The following SCYL3 variants were observed in gnomAD, a reference collection of about 807,000 sequenced individuals.
SCYL3 encodes the protein protein-associating with the carboxyl-terminal domain of ezrin.
Under a neutral mutation model 73.8 loss-of-function variants are expected in SCYL3, and 35 were observed. The observed-to-expected ratio is 0.47, with a 90% CI of 0.36 to 0.63. SCYL3 has a LOEUF of 0.63. SCYL3 is among the 20% of genes least tolerant of loss of function. The pLI is 0.00. For synonymous variants in SCYL3, 277 were observed against 295.2 expected (o/e 0.94, Z 0.63); for missense variants, 712 against 798.9 (o/e 0.89, Z 1.31).
rs1658506560 is a variant in SCYL3, at chr1:169,852,485, T to G, written c.*1228A>C. On this transcript the variant is annotated 3_prime_UTR_variant, in exon 13 of 13. Coordinates refer to ENST00000367771, the MANE Select transcript of SCYL3 (RefSeq NM_020423.7). ...TAAAAAGAAAATACATTTATGAACT[T>G]GTTTATAAGACATGTAAGCTTGGAC... 8.6e-6 allele frequency: 3 copies of G among 348,170 alleles called. No homozygotes were observed. The highest frequency in any genetic ancestry group is 6.3e-5 in the African/African-American group (3 of 47,256). The allele number at this position is 348,170 out of a possible 1,614,324, so 21.6% of individuals were successfully genotyped here.
Position 169,866,969 on chromosome 1 carries a change from C to T in SCYL3, c.742G>A (p.Asp248Asn). 6.3e-7 allele frequency: 1 copy of T among 1,575,908 alleles called. No homozygotes were observed. The highest frequency in any genetic ancestry group is 8.7e-7 in the Non-Finnish European group (1 of 1,151,296). The change falls in exon 8 of 13, where the codon GAT becomes AAT. Residue 248 changes from aspartate (D) to asparagine (N), a missense_variant. By Grantham distance (23) the Asp-to-Asn change is conservative. Around this residue, in one of 2 missense-constraint regions of SCYL3, gnomAD observed 342 missense variants for 448.1 expected, o/e 0.76. Transcript: ENST00000367771. Reference protein sequence around the residue: ...TLLSHDFFRNDFLEVVNFLKS... With the variant: ...TLLSHDFFRNNFLEVVNFLKS... ...AAGAAATTCACAACTTCCAGAAAAT[C>T]ATTTCTAAATGCCAAAAAGAGAAGG... is the stretch of plus-strand genomic sequence containing the variant.
chr1:169,852,918 T>A lies in SCYL3; in HGVS notation c.*795A>T. On this transcript the variant is annotated 3_prime_UTR_variant, in exon 13 of 13. Coordinates refer to ENST00000367771, the MANE Select transcript of SCYL3 (RefSeq NM_020423.7). ...AAAAGGGTCCTGCTCCAGCCTGGCTTTCAATGGAAATGGAGGCGCTCCAAG... is the reference window on the plus strand; with the variant it reads ...AAAAGGGTCCTGCTCCAGCCTGGCTATCAATGGAAATGGAGGCGCTCCAAG... 5.6e-6 allele frequency: 9 copies of A among 1,614,162 alleles called. No homozygotes were observed. The highest frequency in any genetic ancestry group is 7.6e-6 in the Non-Finnish European group (9 of 1,180,008).
At chr1:169,877,634 GCA>G (rs1660948029) in intron 3 of SCYL3, among the ~76,000 whole-genome samples, 1 of 152,148 alleles carries the variant, frequency 6.6e-6, no homozygotes, top group Non-Finnish European at 1.5e-5. Flanking sequence ...TGTTTTATAT[GCA>G]CAAAGAACAT....
rs1292119440 is a variant in SCYL3 at position 169,849,985 on chromosome 1, T to TA, written c.*3727dup. The TA allele has an allele frequency of 1.0e-5, 5 of 485,374 alleles. No homozygotes were observed. In the East Asian group the frequency reaches 1.1e-4, roughly 10 times the overall value. The allele number at this position is 485,374 out of a possible 1,614,324, so 30.1% of individuals were successfully genotyped here. On this transcript the variant is annotated 3_prime_UTR_variant, in exon 13 of 13. Transcript: ENST00000367771. ...GTAAGATGGGTTGCTCCTTTACTCT[T>TA]ACTGCATTTGCTGTATAGTCATGCC...
In SCYL3 at chr1:169,866,919, T is replaced by G. The variant is rs1660071647; in HGVS notation, c.792A>C (p.Glu264Asp). ...ACTTAAAGAATTCCGTTTTCTCCTC[T>G]TCACTCTTCAATGTTAAACTTTTCA... ...NFLKSLTLKSEEEKTEFFKFL... is the reference protein window; with the variant it reads ...NFLKSLTLKSDEEKTEFFKFL... Residue 264 changes from glutamate to aspartate, a missense_variant, in exon 8 of 13, where the codon GAA becomes GAC. Physicochemically the swap from Glu to Asp is conservative, Grantham distance 45. Transcript: ENST00000367771. 2 of 1,581,952 alleles carry G rather than the reference T, an allele frequency of 1.3e-6. No individual in the cohort carries two copies. The highest frequency in any genetic ancestry group is 1.4e-5 in the African/African-American group (1 of 73,678).
intron 5 of SCYL3, among the ~76,000 whole-genome samples, chr1:169,872,770 C>G (rs1298983952): frequency 1.3e-5 from 2 of 152,182 alleles, no homozygotes; most frequent in South Asian, 4.1e-4. Flanking sequence ...CATTTTGGAG[C>G]TTTAAGATTT....
At chr1:169,864,105 TA>T (rs1370189083) in intron 9 of SCYL3, among the ~76,000 whole-genome samples, 1 of 152,202 alleles carries the variant, frequency 6.6e-6, no homozygotes, top group African/African-American at 2.4e-5. Context: ...TGCCTTACCT[TA>T]AAACTTCAAA....
At position 169,853,667 on chromosome 1, in the gene SCYL3, TA is replaced by T. The variant is rs35116293; in HGVS notation, c.*45del. On this transcript the variant is annotated 3_prime_UTR_variant, in exon 13 of 13. Coordinates refer to ENST00000367771, the MANE Select transcript of SCYL3 (RefSeq NM_020423.7). ...CTGCTTTTGAGGTATTGATTTTTTTTAAAAAAAGGGAATCCTTTTTCCTAAA... is the reference window on the plus strand; with the variant it reads ...CTGCTTTTGAGGTATTGATTTTTTTTAAAAAAGGGAATCCTTTTTCCTAAA... The T allele has an allele frequency of 1.2e-5, 19 of 1,598,838 alleles. No individual in the cohort carries two copies. Among genetic ancestry groups the T allele is most frequent in the Non-Finnish European group, 1.5e-5 (18 of 1,170,272 alleles).
chr1:169,853,683 T>C lies in SCYL3; in HGVS notation c.*30A>G, dbSNP rs756604949. The C allele has an allele frequency of 6.2e-7, 1 of 1,605,994 alleles. No homozygotes were observed. Among genetic ancestry groups the C allele is most frequent in the South Asian group, 1.1e-5 (1 of 89,608 alleles). ...GATTTTTTTTAAAAAAAGGGAATCC[T>C]TTTTCCTAAAGTTTAACTCACATCT... On this transcript the variant is annotated 3_prime_UTR_variant, in exon 13 of 13. Coordinates refer to ENST00000367771, the MANE Select transcript of SCYL3 (RefSeq NM_020423.7).
At chr1:169,853,965 A>G in intron 12 of SCYL3, 193 bp from the exon 13 acceptor site, 3 of 652,304 alleles carry the variant, frequency 4.6e-6, no homozygotes, top group Non-Finnish European at 2.6e-6. Flanking sequence ...ACTGGAAAAT[A>G]GCTTTTCAAA....
chr1:169,859,062 T>C lies in SCYL3; in HGVS notation c.1291A>G (p.Asn431Asp). 6.2e-7 allele frequency: 1 copy of C among 1,613,572 alleles called. No homozygotes were observed. Among genetic ancestry groups the C allele is most frequent in the Non-Finnish European group, 8.5e-7 (1 of 1,179,864 alleles). ...TTACCTTCTAGAGAAAGGTCAGTAT[T>C]TTTAGTAAAACTTGGGGCAGTGCGT... ...FKRTAPSFTK[N>D]TDLSLEGDPF... The change falls in exon 11 of 13, where the codon AAT becomes GAT. Residue 431 changes from asparagine (N) to aspartate (D), a missense_variant. Coordinates refer to ENST00000367771, the MANE Select transcript of SCYL3 (RefSeq NM_020423.7).
chr1:169,853,144 C>A lies in SCYL3; in HGVS notation c.*569G>T. On this transcript the variant is annotated 3_prime_UTR_variant, in exon 13 of 13. Transcript: ENST00000367771. Reference sequence around the variant, plus strand: ...AGAGAACAGGATTGTGGGGAATATTCTTATTAAGAACTTTGGTACAATGTA... The same window carrying A: ...AGAGAACAGGATTGTGGGGAATATTATTATTAAGAACTTTGGTACAATGTA... 1 of 740,314 alleles carries A rather than the reference C, an allele frequency of 1.4e-6. No individual in the cohort carries two copies. Among genetic ancestry groups the A allele is most frequent in the South Asian group, 1.9e-5 (1 of 52,882 alleles). 45.9% of individuals were successfully genotyped at this position (740,314 alleles called of 1,614,324 possible). A position where few individuals can be genotyped will look rare whatever the true frequency, so the allele number is the denominator to read the frequency against.
chr1:169,881,414 GTCTTT>G (rs976037556), intron 2 of SCYL3, among the ~76,000 whole-genome samples: 11 of 152,044 alleles, frequency 7.2e-5, no homozygotes, highest in African/African-American at 1.2e-4. Flanking sequence ...TTAAACATTT[GTCTTT>G]TCTTTATGCT....
At chr1:169,884,803 AT>A (rs1046874951) in intron 2 of SCYL3, among the ~76,000 whole-genome samples, 2 of 152,256 alleles carry the variant, frequency 1.3e-5, no homozygotes, top group African/African-American at 4.8e-5. Flanking sequence ...GAAATGACTC[AT>A]TACATGTTTC....
rs201525718 is a variant in SCYL3, at chr1:169,878,620, T to C, written c.351+14A>G. 4 of 1,602,596 alleles carry C rather than the reference T, an allele frequency of 2.5e-6. No individual in the cohort carries two copies. Among genetic ancestry groups the C allele is most frequent in the African/African-American group, 2.7e-5 (2 of 74,566 alleles). On this transcript the variant is annotated intron_variant, in intron 3 of 12. Transcript: ENST00000367771. ...ACATCAAAGTCTGTGATGCAGACTA[T>C]ACAGGTTACTTACTCTGTCATGAAG...
intron 3 of SCYL3, among the ~76,000 whole-genome samples, chr1:169,876,580 T>A (rs1040089684): frequency 9.2e-5 from 14 of 152,162 alleles, no homozygotes; most frequent in African/African-American, 3.1e-4. Context: ...CCAGATCTAC[T>A]TCATCTGAAA....
intron 3 of SCYL3, among the ~76,000 whole-genome samples, chr1:169,876,827 C>T (rs1034391820): frequency 1.9e-4 from 29 of 151,678 alleles, no homozygotes; most frequent in African/African-American, 6.8e-4. Flanking sequence ...TGGTGGCGGG[C>T]GCCTGTAGTC....
chr1:169,889,600 A>C (rs1482871430), intron 1 of SCYL3, among the ~76,000 whole-genome samples: 1 of 152,110 alleles, frequency 6.6e-6, no homozygotes, highest in Non-Finnish European at 1.5e-5. Context: ...CTAAAAAAAA[A>C]CAAAAGCCCA....
chr1:169,885,733 A>T (rs375238401), intron 2 of SCYL3, among the ~76,000 whole-genome samples: 29 of 152,328 alleles, frequency 1.9e-4, no homozygotes, highest in African/African-American at 6.7e-4. Flanking sequence ...TTAGGTGGAA[A>T]TGTTCAATAG....
Sources: allele counts gnomAD v4.1 joint callset (sites outside exome capture counted in the v4.1 genomes callset), GRCh38; gene constraint gnomAD v4.1.1; regional missense constraint gnomAD v4.1.1; transcripts MANE v1.5; gene names NCBI Gene and HGNC (gene_info 2026-07-23, HGNC 2026-07-21).